AMMECR1: variants seen among roughly 807,000 people sequenced by gnomAD.
AMMECR1 encodes the protein AMMECR nuclear protein 1.
In AMMECR1, 3 loss-of-function variants were observed where a neutral mutation model predicts 22.5. That is an observed-to-expected ratio of 0.13 (90% CI 0.06 to 0.35). AMMECR1 has a LOEUF of 0.35. AMMECR1 is among the 10% of genes least tolerant of loss of function. The pLI is 1.00. For missense variants in AMMECR1, 235 were observed against 278.7 expected (o/e 0.84, Z 1.12); for synonymous variants, 130 against 116.7 (o/e 1.11, Z -0.74).
chrX:110,198,915 G>T (rs1209759434), intron 5 of AMMECR1, among the ~76,000 whole-genome samples: 1 of 111,269 alleles, frequency 9.0e-6, no homozygotes, highest in African/African-American at 3.3e-5. Context: ...TTTCTAACAG[G>T]AGTATGCATC....
In AMMECR1 at chrX:110,325,532, A is replaced by G. The variant is rs748941240; in HGVS notation, c.-147-7683T>C. Among the ~76,000 whole-genome samples, 4 of 111,854 alleles carry G rather than the reference A, an allele frequency of 3.6e-5. No individual in the cohort carries two copies. In the East Asian group the frequency reaches 8.4e-4, roughly 23 times the overall value. ...TTTTGAGTCACTTTTGATAGTTTGT[A>G]TGTTTCTAGGAATTGGTTCATTTCT... On this transcript the variant is annotated intron_variant, in intron 2 of 7. Coordinates refer to the AMMECR1 transcript ENST00000372057.
intron 3 of AMMECR1, among the ~76,000 whole-genome samples, chrX:110,211,166 A>G (rs2067445946): frequency 1.8e-5 from 2 of 112,712 alleles, no homozygotes; most frequent in Admixed American, 1.9e-4. Context: ...TTTTTACTTC[A>G]TGCCTTCAAG....
chrX:110,266,895 TG>T (rs1422212250), intron 1 of AMMECR1, among the ~76,000 whole-genome samples: 1 of 110,208 alleles, frequency 9.1e-6, no homozygotes, highest in Non-Finnish European at 1.9e-5. Flanking sequence ...TGTGTCCACA[TG>T]TTCTCATTGT....
intron 2 of AMMECR1, among the ~76,000 whole-genome samples, chrX:110,362,720 A>C (rs184869161): frequency 8.0e-5 from 9 of 111,898 alleles, no homozygotes; most frequent in African/African-American, 2.6e-4. Context: ...ACTTCCTTGG[A>C]TCTCTTACAG....
chrX:110,360,108 G>T (rs1263108908), intron 2 of AMMECR1, among the ~76,000 whole-genome samples: 1 of 111,587 alleles, frequency 9.0e-6, no homozygotes, highest in Non-Finnish European at 1.9e-5. Context: ...TCTGGGCTCA[G>T]TTGAGGACAG....
At chrX:110,388,908 G>T (rs1167308354) in intron 2 of AMMECR1, among the ~76,000 whole-genome samples, 1 of 112,412 alleles carries the variant, frequency 8.9e-6, no homozygotes, top group African/African-American at 3.2e-5. Context: ...GTGTGAACTG[G>T]CTAGGAAACC....
intron 1 of AMMECR1, among the ~76,000 whole-genome samples, chrX:110,281,723 T>C (rs767530725): frequency 2.7e-5 from 3 of 112,370 alleles, no homozygotes; most frequent in Non-Finnish European, 5.6e-5. Flanking sequence ...TCTCAATAAC[T>C]AACTTTTTAG....
At chrX:110,224,092 G>C (rs2067518657) in intron 2 of AMMECR1, among the ~76,000 whole-genome samples, 1 of 111,697 alleles carries the variant, frequency 9.0e-6, no homozygotes. Flanking sequence ...AAAGAACTCT[G>C]ATTGATCATC....
At chrX:110,350,654 A>G (rs780186577) in intron 2 of AMMECR1, among the ~76,000 whole-genome samples, 1 of 111,754 alleles carries the variant, frequency 8.9e-6, no homozygotes, top group Non-Finnish European at 1.9e-5. Flanking sequence ...GCAATGAACA[A>G]TCTGAAAATA....
chrX:110,267,147 A>G (rs1003519458), intron 1 of AMMECR1, among the ~76,000 whole-genome samples: 5 of 111,712 alleles, frequency 4.5e-5, no homozygotes, highest in African/African-American at 1.6e-4. Flanking sequence ...TGCAATAAAC[A>G]TATGTGTGCA....
intron 2 of AMMECR1, among the ~76,000 whole-genome samples, chrX:110,398,565 G>A (rs1222457252): frequency 2.7e-5 from 3 of 112,266 alleles, no homozygotes; most frequent in African/African-American, 9.7e-5. Context: ...TACAAATGAT[G>A]AAACTGGGGC....
At chrX:110,241,298 GT>G (rs1300306119) in intron 2 of AMMECR1, among the ~76,000 whole-genome samples, 15 of 111,402 alleles carry the variant, frequency 1.3e-4, no homozygotes, top group Non-Finnish European at 2.6e-4. Flanking sequence ...TTCAGGAGCT[GT>G]TTTTTTGAAA....
chrX:110,203,686 T>C (rs1282932777), intron 3 of AMMECR1, among the ~76,000 whole-genome samples: 1 of 110,796 alleles, frequency 9.0e-6, no homozygotes, highest in Non-Finnish European at 1.9e-5. Flanking sequence ...TCATAAACCT[T>C]TATACTTTCC....
chrX:110,222,563 A>T (rs1177732029), intron 2 of AMMECR1, among the ~76,000 whole-genome samples: 8 of 101,713 alleles, frequency 7.9e-5, no homozygotes, highest in Admixed American at 3.2e-4. Context: ...AACCTGCACA[A>T]TGTGCACATG....
chrX:110,232,095 T>C (rs904080340), intron 2 of AMMECR1, among the ~76,000 whole-genome samples: 2 of 110,501 alleles, frequency 1.8e-5, no homozygotes, highest in African/African-American at 6.6e-5. Flanking sequence ...TTGTCAATAT[T>C]TGACAGATCA....
intron 1 of AMMECR1, among the ~76,000 whole-genome samples, chrX:110,308,970 C>T (rs762919121): frequency 8.9e-6 from 1 of 111,827 alleles, no homozygotes; most frequent in South Asian, 3.7e-4. Context: ...TCAATCTAAA[C>T]ACTTCACTTT....
intron 2 of AMMECR1, among the ~76,000 whole-genome samples, chrX:110,258,783 T>C (rs1392436704): frequency 9.0e-6 from 1 of 111,524 alleles, no homozygotes; most frequent in African/African-American, 3.3e-5. Context: ...GCTTTTCTTT[T>C]CATAAGAAAA....
intron 2 of AMMECR1, among the ~76,000 whole-genome samples, chrX:110,406,268 C>A (rs1330824962): frequency 1.8e-5 from 2 of 108,222 alleles, no homozygotes; most frequent in Non-Finnish European, 1.9e-5. Context: ...GCCCCCCACG[C>A]CCCACAGGCC....
rs200563423 is a variant in AMMECR1, at chrX:110,317,554, C to G, written c.473+45G>C. ...CGCACTTTGCCTCAACTCTGAGCCCCATCCCGAGCGCAAGGGAGAGGGCGG... is the reference window on the plus strand; with the variant it reads ...CGCACTTTGCCTCAACTCTGAGCCCGATCCCGAGCGCAAGGGAGAGGGCGG... On this transcript the variant is annotated intron_variant, in intron 1 of 5. Transcript: ENST00000262844. The G allele has an allele frequency of 7.2e-3, 8,074 of 1,123,209 alleles. 29 individuals are homozygous for G. The highest frequency in any genetic ancestry group is 0.036 in the Middle Eastern group (137 of 3,765). 92.6% of individuals were successfully genotyped at this position (1,123,209 alleles called of 1,213,427 possible).
Sources: allele counts gnomAD v4.1 joint callset (sites outside exome capture counted in the v4.1 genomes callset), GRCh38; gene constraint gnomAD v4.1.1; transcripts MANE v1.5; gene names NCBI Gene and HGNC (gene_info 2026-07-23, HGNC 2026-07-21).